ABCD4: variants seen among roughly 807,000 people sequenced by gnomAD.
ABCD4 encodes the protein lysosomal cobalamin transporter ABCD4.
In ABCD4, 53 loss-of-function variants were observed where a neutral mutation model predicts 86.3. That is an observed-to-expected ratio of 0.61 (90% CI 0.49 to 0.77). The LOEUF (loss-of-function observed/expected upper bound fraction) is 0.77. ABCD4 is among the 30% of genes least tolerant of loss of function. ABCD4 has a pLI of 0.00. For synonymous variants in ABCD4, 328 were observed against 313.6 expected, an observed-to-expected ratio of 1.05 and a Z score of -0.49; for missense variants, 757 against 764.5, an observed-to-expected ratio of 0.99 and a Z score of 0.12.
At chr14:74,293,285 G>A in intron 7 of ABCD4, 37 bp from the exon 8 acceptor site, 1 of 1,603,200 alleles carries the variant, frequency 6.2e-7, no homozygotes, top group Non-Finnish European at 8.5e-7. Flanking sequence ...CAGGGCTGGA[G>A]AGGTTCAGCC....
chr14:74,302,790 G>A (rs879551072), intron 1 of ABCD4, 85 bp downstream of exon 1: 89 of 1,355,680 alleles, frequency 6.6e-5, no homozygotes, highest in Non-Finnish European at 8.1e-5. Flanking sequence ...CCAGGGCGGC[G>A]GACGAGGCAC....
At chr14:74,288,825 A>G in intron 14 of ABCD4, 60 bp from the exon 15 acceptor site, 2 of 1,591,760 alleles carry the variant, frequency 1.3e-6, no homozygotes, top group Non-Finnish European at 8.6e-7. Context: ...CAAAATAGAC[A>G]GGGCAAGGCT....
At chr14:74,289,926 G>T (rs2081001344) in intron 13 of ABCD4, 101 bp downstream of exon 13, 3 of 1,577,036 alleles carry the variant, frequency 1.9e-6, no homozygotes, top group African/African-American at 2.7e-5. Context: ...CTCACCTTTT[G>T]CCCTGACTCT....
At chr14:74,300,093 A>T in intron 2 of ABCD4, 57 bp downstream of exon 2, 2 of 945,108 alleles carry the variant, frequency 2.1e-6, no homozygotes, top group South Asian at 3.0e-5. Context: ...AAAAAGATGG[A>T]AAGGGACCCC....
In ABCD4 at chr14:74,295,877, C is replaced by T. The variant is rs1403894076; in HGVS notation, c.645G>A (p.Gln215=). The change falls in exon 6 of 19, where the codon CAG becomes CAA. Residue 215 remains glutamine, a synonymous_variant. Coordinates refer to ENST00000356924, the MANE Select transcript of ABCD4 (RefSeq NM_005050.4). The part of the protein sequence containing the change: ...MGPIVMKLVH[Q]EKLEGDFRFK... ...ACCTAAAATCTCCCTCCAGCTTCTC[C>T]TGATGCACCAGCTTCATCACAATGG... is the stretch of plus-strand genomic sequence containing the variant. 2 of 1,613,578 alleles carry T rather than the reference C, an allele frequency of 1.2e-6. No homozygotes were observed. Among genetic ancestry groups the T allele is most frequent in the Admixed American group, 3.3e-5 (2 of 59,756 alleles).
At chr14:74,292,716 C>T in intron 9 of ABCD4, 32 bp downstream of exon 9, 1 of 1,613,920 alleles carries the variant, frequency 6.2e-7, no homozygotes, top group East Asian at 2.2e-5. Context: ...CAGAGAGGGA[C>T]AGCATGTGGG....
At chr14:74,296,240 G>A in intron 5 of ABCD4, 93 bp downstream of exon 5, 1 of 1,323,340 alleles carries the variant, frequency 7.6e-7, no homozygotes. Flanking sequence ...CGGTGGGAGA[G>A]AGGGGAAATA....
intron 1 of ABCD4, 141 bp downstream of exon 1, chr14:74,302,734 G>C (rs1156724015): frequency 2.3e-5 from 24 of 1,030,126 alleles, no homozygotes; most frequent in Non-Finnish European, 3.2e-5. Flanking sequence ...ACGCCCCTTC[G>C]AGAGCTCCTC....
Position 74,292,322 on chromosome 14 carries a change from G to A in ABCD4, c.1083C>T (p.Cys361=), listed in dbSNP as rs377583331. Residue 361 remains cysteine (C), a synonymous_variant, in exon 11 of 19, where the codon TGC becomes TGT. Transcript: ENST00000356924. The part of the protein sequence containing the change: ...LLDMSLKSQD[C]EILGESEWGL... ...CCCACTCGCTCTCGCCCAGGATCTCGCAGTCCTGTGACTTCAGGGACATGT... is the reference window on the plus strand; with the variant it reads ...CCCACTCGCTCTCGCCCAGGATCTCACAGTCCTGTGACTTCAGGGACATGT... 511 of 1,613,926 alleles carry A rather than the reference G, an allele frequency of 3.2e-4. No individual in the cohort carries two copies. The highest frequency in any genetic ancestry group is 1.1e-3 in the Admixed American group (67 of 59,988).
At chr14:74,300,552 A>G (rs1275545140) in intron 1 of ABCD4, among the ~76,000 whole-genome samples, 2 of 149,950 alleles carry the variant, frequency 1.3e-5, no homozygotes, top group African/African-American at 4.9e-5. Context: ...AGATTGCGCC[A>G]TTGCAACAAG....
Position 74,295,930 on chromosome 14 carries a change from TC to T in ABCD4, c.591del (p.Thr198ProfsTer3). On this transcript the variant is annotated frameshift_variant, in exon 6 of 19. Coordinates refer to ENST00000356924, the MANE Select transcript of ABCD4 (RefSeq NM_005050.4). LOFTEE classifies it high-confidence loss of function. ...CCCATCAAAGTTTTGTTCACCACGG[TC>T]CCCAGGATGAAATACCCGAAGATGC... is the stretch of plus-strand genomic sequence containing the variant. ...PVSIFGYFIL[G>X]TVVNKTLMGP... 6.2e-7 allele frequency: 1 copy of T among 1,612,254 alleles called. No individual in the cohort carries two copies.
In ABCD4 at chr14:74,293,242, C is replaced by T; in HGVS notation, c.726G>A (p.Gly242=). ...GGTCTGTCCTCATGTGCTCCACATG[C>T]CCAGCTCTGACAAGGAAAGGCTGGG... The part of the protein sequence containing the change: ...NAEPAAFYRA[G]HVEHMRTDRR... The change falls in exon 8 of 19, where the codon GGG becomes GGA. Residue 242 remains glycine, a synonymous_variant. Transcript: ENST00000356924. 6.2e-7 allele frequency: 1 copy of T among 1,614,100 alleles called. No individual in the cohort carries two copies. Among genetic ancestry groups the T allele is most frequent in the Non-Finnish European group, 8.5e-7 (1 of 1,179,986 alleles).
intron 11 of ABCD4, 82 bp from the exon 12 acceptor site, chr14:74,290,581 C>A: frequency 9.3e-7 from 1 of 1,073,556 alleles, no homozygotes; most frequent in Non-Finnish European, 1.4e-6. Context: ...CCGGGAGCCA[C>A]CACCTGTGGA....
At chr14:74,301,326 A>G (rs1333821628) in intron 1 of ABCD4, among the ~76,000 whole-genome samples, 1 of 151,138 alleles carries the variant, frequency 6.6e-6, no homozygotes, top group Non-Finnish European at 1.5e-5. Flanking sequence ...CGCTCAGCTA[A>G]TTTTTGTATT....
rs1451930086 is a variant in ABCD4, at chr14:74,292,532, G to A, written c.1028+19C>T. The A allele has an allele frequency of 6.2e-7, 1 of 1,612,622 alleles. No individual in the cohort carries two copies. The highest frequency in any genetic ancestry group is 1.7e-5 in the Admixed American group (1 of 59,974). On this transcript the variant is annotated intron_variant, in intron 10 of 18. Coordinates refer to ENST00000356924, the MANE Select transcript of ABCD4 (RefSeq NM_005050.4). ...CACACACTTTGCTCAGGAGCCAGAG[G>A]GGTGGGACACGGCCTCACCTGTGCG...
chr14:74,300,301 C>T, intron 1 of ABCD4, 33 bp from the exon 2 acceptor site: 1 of 1,430,620 alleles, frequency 7.0e-7, no homozygotes, highest in Non-Finnish European at 9.9e-7. Context: ...GAGAAAAGCC[C>T]AAGACAATAA....
chr14:74,287,855 G>A lies in ABCD4; in HGVS notation c.1591C>T (p.Arg531Trp), dbSNP rs1326238748. The A allele has an allele frequency of 3.7e-6, 6 of 1,613,356 alleles. No homozygotes were observed. The highest frequency in any genetic ancestry group is 1.6e-4 in the Middle Eastern group (1 of 6,062). ...YDVLSPGEMQ[R>W]LSFARLFYLQ... ...TAGAAGAGTCGGGCAAAGGAGAGCCGTTGCATCTCCCCCGGGGACAGAACA... is the reference window on the plus strand; with the variant it reads ...TAGAAGAGTCGGGCAAAGGAGAGCCATTGCATCTCCCCCGGGGACAGAACA... The change falls in exon 17 of 19, where the codon CGG (arginine) becomes TGG (tryptophan). Residue 531 changes from arginine (R) to tryptophan (W), a missense_variant. Coordinates refer to ENST00000356924, the MANE Select transcript of ABCD4 (RefSeq NM_005050.4).
chr14:74,290,541 G>A lies in ABCD4; in HGVS notation c.1119-42C>T, dbSNP rs1316060245. The A allele has an allele frequency of 2.6e-6, 4 of 1,536,896 alleles. No homozygotes were observed. In the African/African-American group the frequency reaches 5.4e-5, roughly 21 times the overall value. ...AGGGGGCGTGAGGAAGATGGGCAGG[G>A]TCAGTATTGCTGTGGGGGAGGCACT... On this transcript the variant is annotated intron_variant, in intron 11 of 18. Transcript: ENST00000356924.
intron 11 of ABCD4, among the ~76,000 whole-genome samples, chr14:74,291,583 C>T (rs1281161992): frequency 6.6e-6 from 1 of 152,206 alleles, no homozygotes; most frequent in Non-Finnish European, 1.5e-5. Context: ...TTCCAGTTTC[C>T]TACAGACCCT....
Sources: allele counts gnomAD v4.1 joint callset (sites outside exome capture counted in the v4.1 genomes callset), GRCh38; gene constraint gnomAD v4.1.1; transcripts MANE v1.5; gene names NCBI Gene and HGNC (gene_info 2026-07-23, HGNC 2026-07-21).